Variants in ASPRV1 observed in about 807,000 individuals in gnomAD.
ASPRV1 encodes the protein retroviral-like aspartic protease 1.
ASPRV1 carries 7 observed loss-of-function variants against 11.0 expected under a neutral mutation model. The observed-to-expected ratio is 0.64, with a 90% confidence interval of 0.36 to 1.20. The LOEUF is 1.20. Ranked by LOEUF, ASPRV1 falls within the 50% of genes most tolerant of loss-of-function variation. The pLI is 0.02. For synonymous variants in ASPRV1, 136 were observed against 138.4 expected (o/e 0.98, Z 0.12); for missense variants, 299 against 320.0 (o/e 0.93, Z 0.50).
At chr2:69,961,643 T>C, upstream of ASPRV1, 1 of 1,583,248 alleles carries the variant, frequency 6.3e-7, no homozygotes, top group Non-Finnish European at 8.6e-7. Context: ...GCCTGTTCAC[T>C]CTGCAGAGCC....
At chr2:70,087,213 T>G in the ASPRV1 span, 3 of 152,156 alleles carry the variant, frequency 2.0e-5, no homozygotes, top group Admixed American at 2.0e-4. Context: ...ACTAGTATTT[T>G]CAGTCACCCG....
chr2:69,965,277 C>A (rs1271035153), upstream of ASPRV1, among the ~76,000 whole-genome samples: 2 of 152,126 alleles, frequency 1.3e-5, no homozygotes, highest in Non-Finnish European at 2.9e-5. Context: ...TTGTGATCCA[C>A]CCGCCTCGGC....
chr2:70,030,840 C>T, the ASPRV1 span: 1 of 152,156 alleles, frequency 6.6e-6, no homozygotes, highest in Non-Finnish European at 1.5e-5. Context: ...ATCTGAATAA[C>T]CACATGGCCA....
chr2:70,018,394 T>C, the ASPRV1 span, among the ~76,000 whole-genome samples: 1 of 151,878 alleles, frequency 6.6e-6, no homozygotes, highest in Admixed American at 6.6e-5. Flanking sequence ...AAAATACTAA[T>C]AAAATTCTTC....
chr2:69,962,252 GACTCA>G (rs1678150828), upstream of ASPRV1: 1 of 166,886 alleles, frequency 6.0e-6, no homozygotes, highest in Non-Finnish European at 1.5e-5. Flanking sequence ...ATCTTACATG[GACTCA>G]ACTGCTGCAG....
At chr2:69,940,183 C>G in the ASPRV1 span, 2 of 148,212 alleles carry the variant, frequency 1.3e-5, no homozygotes, top group Admixed American at 6.7e-5. Context: ...GGAATCTTTT[C>G]CAATAACCAG....
chr2:69,988,515 G>A, the ASPRV1 span: 1 of 314,458 alleles, frequency 3.2e-6, no homozygotes, highest in Non-Finnish European at 6.3e-6. Context: ...GCTGCAGGGA[G>A]GGAAATGTTT....
At chr2:69,951,446 AGTGTGTGTGTGTGTGTGTGTGT>A in the ASPRV1 span, among the ~76,000 whole-genome samples, 2 of 107,354 alleles carry the variant, frequency 1.9e-5, no homozygotes, top group Non-Finnish European at 3.5e-5. Flanking sequence ...AAAAAAAGTG[AGTGTGTGTGTGTGTGTGTGTGT>A]GTGTGTGTGT....
chr2:70,001,331 CA>C, the ASPRV1 span, among the ~76,000 whole-genome samples: 1 of 152,144 alleles, frequency 6.6e-6, no homozygotes, highest in Admixed American at 6.5e-5. Flanking sequence ...GAGTTCAAGA[CA>C]AGCCTGGCCA....
the ASPRV1 span, among the ~76,000 whole-genome samples, chr2:69,982,909 G>A: frequency 2.6e-5 from 4 of 152,094 alleles, no homozygotes; most frequent in South Asian, 8.3e-4. Context: ...GGGGGCCTCT[G>A]GAACCCTGAG....
chr2:70,024,429 A>G, the ASPRV1 span, among the ~76,000 whole-genome samples: 1 of 152,166 alleles, frequency 6.6e-6, no homozygotes, highest in Non-Finnish European at 1.5e-5. Flanking sequence ...TTGGAAGGAA[A>G]GGAGATGCTG....
chr2:69,944,460 T>C, the ASPRV1 span, among the ~76,000 whole-genome samples: 1 of 152,142 alleles, frequency 6.6e-6, no homozygotes, highest in African/African-American at 2.4e-5. Flanking sequence ...GCTAGCATTA[T>C]CCAAACTTCA....
At chr2:70,078,425 A>G in the ASPRV1 span, among the ~76,000 whole-genome samples, 1 of 152,228 alleles carries the variant, frequency 6.6e-6, no homozygotes, top group Non-Finnish European at 1.5e-5. Context: ...TGCAGAAAAA[A>G]CAGGGAAGGG....
At chr2:69,937,970 C>T in the ASPRV1 span, 1 of 843,390 alleles carries the variant, frequency 1.2e-6, no homozygotes, top group East Asian at 2.7e-5. Context: ...TGGTCTCAAA[C>T]TCCTAACCTC....
the ASPRV1 span, among the ~76,000 whole-genome samples, chr2:70,017,489 C>T: frequency 6.6e-6 from 1 of 151,634 alleles, no homozygotes; most frequent in Admixed American, 6.5e-5. Context: ...GACAAGAATG[C>T]TTATTTCAGA....
the ASPRV1 span, chr2:70,048,798 CT>C: frequency 6.6e-6 from 1 of 152,270 alleles, no homozygotes; most frequent in African/African-American, 2.4e-5. Context: ...AGAATCCTTC[CT>C]TGTCTCTTCT....
chr2:69,996,455 ACATCT>A, the ASPRV1 span, among the ~76,000 whole-genome samples: 3 of 152,138 alleles, frequency 2.0e-5, no homozygotes, highest in East Asian at 5.8e-4. Context: ...CACACTGGAC[ACATCT>A]CAAATGTTCA....
chr2:70,042,783 G>C, the ASPRV1 span, among the ~76,000 whole-genome samples: 5 of 152,286 alleles, frequency 3.3e-5, no homozygotes, highest in East Asian at 9.6e-4. Context: ...AGGGGGTACA[G>C]ACCTTGCCAA....
chr2:70,053,373 TAGGCACATG>T, the ASPRV1 span, among the ~76,000 whole-genome samples: 4 of 152,018 alleles, frequency 2.6e-5, no homozygotes, highest in African/African-American at 9.7e-5. Flanking sequence ...GTGGGGGGTA[TAGGCACATG>T]AGTGGAGGCA....
Sources: gnomAD v4.1 joint callset for allele counts (sites outside exome capture counted in the v4.1 genomes callset) on GRCh38, gnomAD v4.1.1 for gene constraint, MANE v1.5 for transcripts, NCBI Gene and HGNC (gene_info 2026-07-23, HGNC 2026-07-21) for gene names.